NOTCH4: variants seen among roughly 807,000 people sequenced by gnomAD.
NOTCH4 encodes the protein notch receptor 4, also known as neurogenic locus notch homolog protein 4.
NOTCH4 carries 138 observed loss-of-function variants against 189.0 expected under a neutral mutation model. The ratio of observed to expected loss-of-function variants is 0.73; its 90% CI spans 0.64 to 0.84. NOTCH4 has a LOEUF of 0.84. Ranked by LOEUF, NOTCH4 falls within the 40% of genes least tolerant of loss-of-function variation. NOTCH4 has a pLI of 0.00. For missense variants in NOTCH4, 2,286 were observed against 2,605.4 expected, an observed-to-expected ratio of 0.88 and a Z score of 2.67; for synonymous variants, 942 against 1,032.8, an observed-to-expected ratio of 0.91 and a Z score of 1.69.
At chr6:32,207,052 C>T (rs958940181) in intron 18 of NOTCH4, among the ~76,000 whole-genome samples, 1 of 151,628 alleles carries the variant, frequency 6.6e-6, no homozygotes. Flanking sequence ...GCCTCAGCCT[C>T]CTGAGTAGCT....
At chr6:32,223,450 G>A (rs542281004) in intron 1 of NOTCH4, among the ~76,000 whole-genome samples, 8 of 152,188 alleles carry the variant, frequency 5.3e-5, no homozygotes, top group East Asian at 1.9e-4. Flanking sequence ...TGAGCCATCC[G>A]GGGGGTGGGG....
In NOTCH4 at chr6:32,204,339, A is replaced by G. The variant is rs1164325940; in HGVS notation, c.2916T>C (p.Cys972=). The G allele has an allele frequency of 5.6e-6, 9 of 1,612,974 alleles. No homozygotes were observed. The highest frequency in any genetic ancestry group is 7.6e-6 in the Non-Finnish European group (9 of 1,180,036). Residue 972 remains cysteine, a synonymous_variant, in exon 19 of 30, where the codon TGT becomes TGC. Transcript: ENST00000375023. ...GQNCSKELDA[C]QSQPCHNHGT... is the part of the protein sequence containing the mutation. Reference sequence around the variant, plus strand: ...CATGGTTGTGACAGGGTTGGGACTGACAAGCATCGAGTTCCTTTGAGCAGT... The same window carrying G: ...CATGGTTGTGACAGGGTTGGGACTGGCAAGCATCGAGTTCCTTTGAGCAGT...
chr6:32,219,035 A>T (rs1214388017), intron 8 of NOTCH4, among the ~76,000 whole-genome samples: 1 of 152,176 alleles, frequency 6.6e-6, no homozygotes, highest in Non-Finnish European at 1.5e-5. Flanking sequence ...TTCTGATTTC[A>T]TTCAACTCCT....
At chr6:32,220,942 G>A in intron 4 of NOTCH4, 36 bp downstream of exon 4, 2 of 1,594,456 alleles carry the variant, frequency 1.3e-6, no homozygotes, top group Non-Finnish European at 1.7e-6. Context: ...CCTGCCCAGA[G>A]AGAGGGGCGG....
chr6:32,196,448 C>T (rs760191033), intron 28 of NOTCH4, 27 bp from the exon 29 acceptor site: 7 of 1,610,376 alleles, frequency 4.3e-6, no homozygotes, highest in African/African-American at 1.3e-5. Flanking sequence ...GAGGTTGTTA[C>T]CCCAGTTGGG....
Position 32,195,235 on chromosome 6 carries a change from C to T in NOTCH4, c.*202G>A. The T allele has an allele frequency of 1.7e-6, 1 of 588,994 alleles. No homozygotes were observed. The highest frequency in any genetic ancestry group is 1.9e-5 in the African/African-American group (1 of 53,640). The allele number at this position is 588,994 out of a possible 1,614,324, so 36.5% of individuals were successfully genotyped here. ...TGGAGGAGGACTGGGCCTGCCTCAT[C>T]CTAGCATCTTAAACCCTCTTTCCAG... On this transcript the variant is annotated 3_prime_UTR_variant, in exon 30 of 30. Coordinates refer to ENST00000375023, the MANE Select transcript of NOTCH4 (RefSeq NM_004557.4). The surrounding 1 kb of genome is among the most constrained non-coding windows in gnomAD (Gnocchi z 5.4).
At position 32,195,897 on chromosome 6, in the gene NOTCH4, G is replaced by T. The variant is rs1302233450; in HGVS notation, c.5552C>A (p.Pro1851His). 1 of 1,588,386 alleles carries T rather than the reference G, an allele frequency of 6.3e-7. No individual in the cohort carries two copies. The highest frequency in any genetic ancestry group is 8.5e-7 in the Non-Finnish European group (1 of 1,174,922). Residue 1851 changes from proline (P) to histidine (H), a missense_variant, in exon 30 of 30, where the codon CCC becomes CAC. Physicochemically the swap from Pro to His is moderately conservative, Grantham distance 77. Around this residue, in one of 2 missense-constraint regions of NOTCH4, gnomAD observed 383 missense variants for 343.5 expected, o/e 1.11. Coordinates refer to ENST00000375023, the MANE Select transcript of NOTCH4 (RefSeq NM_004557.4). This position sits in a 1 kb window ranked among gnomAD's most constrained non-coding sequence, Gnocchi z 5.4. ...PRARTVSVSV[P>H]PHGGGALPRC... ...CGGCAGAGCCCCGCCCCCATGCGGG[G>T]GCACGCTTACTGACACCGTCCGTGC...
intron 18 of NOTCH4, among the ~76,000 whole-genome samples, chr6:32,209,236 T>A (rs1788869783): frequency 6.6e-6 from 1 of 152,214 alleles, no homozygotes. Context: ...TCCAGGTAGA[T>A]ACTTGCATCA....
At position 32,222,773 on chromosome 6, in the gene NOTCH4, C is replaced by A. The variant is rs61755045; in HGVS notation, c.189G>T (p.Gln63His). ...CAPGFLGETCQFPDPCQNAQL... is the reference protein window; with the variant it reads ...CAPGFLGETCHFPDPCQNAQL... ...GGGCGTTCTGGCAGGGGTCAGGAAA[C>A]TGGCACGTCTCACCCAGGAAGCCAG... The change falls in exon 3 of 30, where the codon CAG (glutamine) becomes CAT (histidine). Residue 63 changes from glutamine (Q) to histidine (H), a missense_variant. Physicochemically the swap from Gln to His is conservative, Grantham distance 24. Coordinates refer to ENST00000375023, the MANE Select transcript of NOTCH4 (RefSeq NM_004557.4). The A allele has an allele frequency of 6.2e-7, 1 of 1,611,434 alleles. No individual in the cohort carries two copies. The highest frequency in any genetic ancestry group is 8.5e-7 in the Non-Finnish European group (1 of 1,179,066).
At position 32,210,826 on chromosome 6, in the gene NOTCH4, C is replaced by T. The variant is rs201560532; in HGVS notation, c.2791G>A (p.Val931Met). 4.6e-5 allele frequency: 75 copies of T among 1,612,986 alleles called. No homozygotes were observed. Among genetic ancestry groups the T allele is most frequent in the African/African-American group, 2.4e-4 (18 of 75,024 alleles). ...CAAGGCCTGGACTCACATGGGTTCA[C>T]GTGATCCTGGCACAGGCTGCCTTGG... ...GFQGSLCQDH[V>M]NPCESRPCQN... is the part of the protein sequence containing the mutation. Residue 931 changes from valine (V) to methionine (M), a missense_variant, in exon 18 of 30, where the codon GTG (valine) becomes ATG (methionine). By Grantham distance (21) the Val-to-Met change is conservative (BLOSUM62 1). Around this residue, in one of 2 missense-constraint regions of NOTCH4, gnomAD observed 1,903 missense variants for 2,261.9 expected, o/e 0.84. Transcript: ENST00000375023. The surrounding 1 kb of genome is among the most constrained non-coding windows in gnomAD (Gnocchi z 4.8).
chr6:32,195,586 C>T lies in NOTCH4; in HGVS notation c.5863G>A (p.Ala1955Thr). ...STDDWPCDWV[A>T]LGACGSASNI... ...GAGGCAGAACCGCAAGCTCCCAGGG[C>T]CACCCAATCACAGGGCCAGTCATCC... The change falls in exon 30 of 30, where the codon GCC becomes ACC. Residue 1955 changes from alanine (A) to threonine (T), a missense_variant. This residue lies in a region of NOTCH4 where 383 missense variants were observed against 343.5 expected (regional missense o/e 1.11). Transcript: ENST00000375023. This position sits in a 1 kb window ranked among gnomAD's most constrained non-coding sequence, Gnocchi z 5.4. The T allele has an allele frequency of 5.6e-6, 9 of 1,613,118 alleles. No homozygotes were observed. The highest frequency in any genetic ancestry group is 7.6e-6 in the Non-Finnish European group (9 of 1,180,034).
chr6:32,195,580 C>T lies in NOTCH4; in HGVS notation c.5869G>A (p.Gly1957Arg), dbSNP rs1787819419. 1 of 1,612,978 alleles carries T rather than the reference C, an allele frequency of 6.2e-7. No individual in the cohort carries two copies. Among genetic ancestry groups the T allele is most frequent in the African/African-American group, 1.3e-5 (1 of 74,934 alleles). ...DDWPCDWVAL[G>R]ACGSASNIPI... Reference sequence around the variant, plus strand: ...ATGTTGGAGGCAGAACCGCAAGCTCCCAGGGCCACCCAATCACAGGGCCAG... The same window carrying T: ...ATGTTGGAGGCAGAACCGCAAGCTCTCAGGGCCACCCAATCACAGGGCCAG... The change falls in exon 30 of 30, where the codon GGA (glycine) becomes AGA (arginine). Residue 1957 changes from glycine (G) to arginine (R), a missense_variant. Transcript: ENST00000375023. The surrounding 1 kb of genome is among the most constrained non-coding windows in gnomAD (Gnocchi z 5.4).
intron 8 of NOTCH4, 128 bp downstream of exon 8, chr6:32,219,464 G>C: frequency 1.2e-6 from 1 of 839,828 alleles, no homozygotes; most frequent in African/African-American, 1.7e-5. Context: ...TCTGGGGGTA[G>C]AGAGAGAAGC....
chr6:32,212,765 C>T lies in NOTCH4; in HGVS notation c.2526+59G>A, dbSNP rs906918430. On this transcript the variant is annotated intron_variant, in intron 16 of 29. Transcript: ENST00000375023. This position sits in a 1 kb window ranked among gnomAD's most constrained non-coding sequence, Gnocchi z 4.4. ...GAATGGCCTGGGACCAGGTGACCCT[C>T]CCTGGTTTCCCTCCCAGCCACTTCC... The T allele has an allele frequency of 2.9e-4, 420 of 1,450,386 alleles. 1 individual carries two copies. The highest frequency in any genetic ancestry group is 3.4e-4 in the Non-Finnish European group (373 of 1,083,272). The allele number at this position is 1,450,386 out of a possible 1,614,324, so 89.8% of individuals were successfully genotyped here.
intron 18 of NOTCH4, among the ~76,000 whole-genome samples, chr6:32,205,574 A>G (rs1368992416): frequency 2.7e-5 from 4 of 145,534 alleles, no homozygotes; most frequent in African/African-American, 1.0e-4. Context: ...AAAAAAAAAG[A>G]ATAAGTAAAG....
chr6:32,199,233 G>T lies in NOTCH4; in HGVS notation c.4316-88C>A. The T allele has an allele frequency of 1.1e-6, 1 of 946,834 alleles. No homozygotes were observed. The highest frequency in any genetic ancestry group is 1.5e-6 in the Non-Finnish European group (1 of 651,734). 58.7% of individuals were successfully genotyped at this position (946,834 alleles called of 1,614,324 possible). On this transcript the variant is annotated intron_variant, in intron 23 of 29. Transcript: ENST00000375023. This position sits in a 1 kb window ranked among gnomAD's most constrained non-coding sequence, Gnocchi z 4.9. ...GACCTTTGGACAAGTTTAGTAGCCG[G>T]TCTTTGCCTCGGTTTCCTTATCTGC...
At chr6:32,214,331 T>G in intron 12 of NOTCH4, 76 bp from the exon 13 acceptor site, 1 of 1,512,888 alleles carries the variant, frequency 6.6e-7, no homozygotes, top group Non-Finnish European at 9.0e-7. Context: ...CCTGGACCCC[T>G]ATGACTTCCT....
Position 32,214,234 on chromosome 6 carries a change from C to T in NOTCH4, c.2043G>A (p.Val681=). 1.9e-6 allele frequency: 3 copies of T among 1,613,370 alleles called. No individual in the cohort carries two copies. Among genetic ancestry groups the T allele is most frequent in the Non-Finnish European group, 1.7e-6 (2 of 1,179,742 alleles). Residue 681 remains valine (V), a synonymous_variant, in exon 13 of 30, where the codon GTG becomes GTA. Transcript: ENST00000375023. ...CCTCACACTCTGGCCCCGTCCAACC[C>T]ACGTCACACACACATGAGGATCTGG... ...HCQRSSCVCD[V]GWTGPECEAE...
At position 32,198,917 on chromosome 6, in the gene NOTCH4, C is replaced by T. The variant is rs751661216; in HGVS notation, c.4535+9G>A. 5.8e-6 allele frequency: 9 copies of T among 1,544,724 alleles called. No homozygotes were observed. The highest frequency in any genetic ancestry group is 1.4e-5 in the African/African-American group (1 of 72,570). On this transcript the variant is annotated intron_variant, in intron 24 of 29. Coordinates refer to ENST00000375023, the MANE Select transcript of NOTCH4 (RefSeq NM_004557.4). The surrounding 1 kb of genome is among the most constrained non-coding windows in gnomAD (Gnocchi z 5.5). ...CCCTTCCTGAGCCTGGGTTTCTCCT[C>T]ATTCTCACTTGAGACCAATGCTGTC...
Sources: allele counts gnomAD v4.1 joint callset (sites outside exome capture counted in the v4.1 genomes callset), GRCh38; gene constraint gnomAD v4.1.1; regional missense constraint gnomAD v4.1.1; non-coding constraint Gnocchi (gnomAD v3.1); transcripts MANE v1.5; gene names NCBI Gene and HGNC (gene_info 2026-07-23, HGNC 2026-07-21).